Variants in IGF2BP1 observed in about 807,000 individuals in gnomAD.
The protein encoded by IGF2BP1 is insulin like growth factor 2 mRNA binding protein 1, also known as insulin-like growth factor 2 mRNA-binding protein 1.
IGF2BP1 carries 11 observed loss-of-function variants against 74.9 expected under a neutral mutation model. That is an observed-to-expected ratio of 0.15 (90% CI 0.09 to 0.24). The LOEUF (loss-of-function observed/expected upper bound fraction) is 0.24. Among genes scored for constraint, IGF2BP1 ranks in the 10% least tolerant of loss-of-function variants. The pLI is 1.00. For missense variants in IGF2BP1, 440 were observed against 757.4 expected (o/e 0.58, Z 4.92); for synonymous variants, 287 against 281.8 (o/e 1.02, Z -0.18).
chr17:49,034,743 AACAC>A lies in IGF2BP1; in HGVS notation c.401+2772_401+2775del, dbSNP rs1465791616. 4.6e-3 allele frequency among the ~76,000 whole-genome samples: 595 copies of A among 129,508 alleles called. 2 individuals are homozygous for A. Among genetic ancestry groups the A allele is most frequent in the Middle Eastern group, 0.03 (8 of 264 alleles). 85.0% of individuals were successfully genotyped at this position (129,508 alleles called of 152,430 possible). A position where few individuals can be genotyped will look rare whatever the true frequency, so the allele number is the denominator to read the frequency against. ...CAGAGTAAGACCCTGTCTCAAAAAA[AACAC>A]AAAAAAAACAAAAAAAACAAAAAAA... On this transcript the variant is annotated intron_variant, in intron 5 of 14. Transcript: ENST00000290341.
At chr17:49,042,758 C>G (rs1043981634) in intron 9 of IGF2BP1, among the ~76,000 whole-genome samples, 2 of 152,010 alleles carry the variant, frequency 1.3e-5, no homozygotes, top group East Asian at 1.9e-4. Context: ...CTTACTGCAG[C>G]CTTGACCCCC....
chr17:49,020,319 G>A (rs2041776804), intron 2 of IGF2BP1, among the ~76,000 whole-genome samples: 1 of 152,094 alleles, frequency 6.6e-6, no homozygotes, highest in Non-Finnish European at 1.5e-5. Context: ...TGGGATTACA[G>A]GCGTGAGCCA....
intron 2 of IGF2BP1, among the ~76,000 whole-genome samples, chr17:49,016,776 C>T (rs1208067471): frequency 6.7e-6 from 1 of 149,174 alleles, no homozygotes; most frequent in Non-Finnish European, 1.5e-5. Flanking sequence ...GCCTGCCACT[C>T]GACAGCCCGC....
At chr17:49,008,582 CTCTTGCTGGCCA>C (rs1327818551) in intron 2 of IGF2BP1, among the ~76,000 whole-genome samples, 2 of 152,162 alleles carry the variant, frequency 1.3e-5, no homozygotes, top group African/African-American at 2.4e-5. Flanking sequence ...TACCCTTTCC[CTCTTGCTGGCCA>C]TCTTGAATGA....
chr17:49,022,522 G>A (rs961637494), intron 2 of IGF2BP1, among the ~76,000 whole-genome samples: 9 of 152,230 alleles, frequency 5.9e-5, no homozygotes, highest in African/African-American at 2.2e-4. Flanking sequence ...GTACCCTGGA[G>A]GGCTGGGTGA....
chr17:49,023,678 T>G (rs1200476594), intron 2 of IGF2BP1, among the ~76,000 whole-genome samples: 1 of 152,166 alleles, frequency 6.6e-6, no homozygotes, highest in Non-Finnish European at 1.5e-5. Flanking sequence ...CAGGGGCAGG[T>G]TAAGGGCTAG....
At chr17:49,027,961 C>T (rs936751351) in intron 4 of IGF2BP1, among the ~76,000 whole-genome samples, 11 of 150,770 alleles carry the variant, frequency 7.3e-5, no homozygotes, top group Non-Finnish European at 1.0e-4. Flanking sequence ...TCTTGAGCCA[C>T]GAGAGTTTTG....
rs1411557711 is a variant in IGF2BP1 at position 49,045,027 on chromosome 17, A to G, written c.1357A>G (p.Met453Val). 5.0e-6 allele frequency: 8 copies of G among 1,614,146 alleles called. No homozygotes were observed. Among genetic ancestry groups the G allele is most frequent in the Non-Finnish European group, 6.8e-6 (8 of 1,180,008 alleles). The change falls in exon 12 of 15, where the codon ATG (methionine) becomes GTG (valine). Residue 453 changes from methionine to valine, a missense_variant. Physicochemically the swap from Met to Val is conservative, Grantham distance 21. Transcript: ENST00000290341. ...PPETPDSKVR[M>V]VIITGPPEAQ... ...CGAAACACCTGACTCCAAAGTTCGT[A>G]TGGTTATCATCACTGGACCGCCAGA...
rs2041428885 is a variant in IGF2BP1, at chr17:48,997,982, A to C, written c.175+62A>C. On this transcript the variant is annotated intron_variant, in intron 1 of 14. Transcript: ENST00000290341. This position sits in a 1 kb window ranked among gnomAD's most constrained non-coding sequence, Gnocchi z 4.8. ...AGAGCCCCGAACAACGGAGACCCGC[A>C]CCTTCCGGTTCCTCTCCCGCCAACT... The C allele has an allele frequency of 1.3e-6, 2 of 1,554,534 alleles. No homozygotes were observed.
At position 49,050,226 on chromosome 17, in the gene IGF2BP1, C is replaced by G. The variant is rs565194279; in HGVS notation, c.*782C>G. The G allele has an allele frequency of 6.6e-6, 1 of 152,642 alleles. No homozygotes were observed. The highest frequency in any genetic ancestry group is 6.5e-5 in the Admixed American group (1 of 15,268). The allele number at this position is 152,642 out of a possible 1,614,324, so 9.5% of individuals were successfully genotyped here. ...GGGGCTTCCCCACCACATTCATGTC[C>G]CTCTCCCGTGTAGGTTTCACATTAT... On this transcript the variant is annotated 3_prime_UTR_variant, in exon 15 of 15. Coordinates refer to ENST00000290341, the MANE Select transcript of IGF2BP1 (RefSeq NM_006546.4).
Position 48,999,123 on chromosome 17 carries a change from C to G in IGF2BP1, c.190C>G (p.Gln64Glu). 1 of 1,490,104 alleles carries G rather than the reference C, an allele frequency of 6.7e-7. No homozygotes were observed. Among genetic ancestry groups the G allele is most frequent in the Non-Finnish European group, 9.1e-7 (1 of 1,104,616 alleles). The allele number at this position is 1,490,104 out of a possible 1,614,324, so 92.3% of individuals were successfully genotyped here. A position where few individuals can be genotyped will look rare whatever the true frequency, so the allele number is the denominator to read the frequency against. The change falls in exon 2 of 15, where the codon CAA becomes GAA. Residue 64 changes from glutamine (Q) to glutamate (E), a missense_variant. Coordinates refer to ENST00000290341, the MANE Select transcript of IGF2BP1 (RefSeq NM_006546.4). ...IETFSGKVEL[Q>E]GKRLEIEHSV... ...TTAATCTTTAGGGAAAGTAGAATTA[C>G]AAGGAAAACGCTTAGAGATTGAACA...
intron 14 of IGF2BP1, among the ~76,000 whole-genome samples, chr17:49,047,250 A>C (rs1490166540): frequency 1.3e-5 from 2 of 152,100 alleles, no homozygotes; most frequent in African/African-American, 4.8e-5. Flanking sequence ...CCTTTCTGCT[A>C]TGTGACCTTG....
intron 2 of IGF2BP1, among the ~76,000 whole-genome samples, chr17:49,009,171 G>T (rs572904138): frequency 2.0e-5 from 3 of 152,040 alleles, no homozygotes; most frequent in African/African-American, 7.2e-5. Flanking sequence ...TGGGACTATA[G>T]GTGTGCGCCA....
chr17:49,020,454 G>T (rs2041778530), intron 2 of IGF2BP1, among the ~76,000 whole-genome samples: 1 of 152,130 alleles, frequency 6.6e-6, no homozygotes, highest in Admixed American at 6.5e-5. Flanking sequence ...ACAGACCAGG[G>T]TACTGAGATA....
rs1567832835 is a variant in IGF2BP1 at position 49,053,563 on chromosome 17, G to T, written c.*4119G>T. The T allele has an allele frequency of 6.5e-6, 1 of 152,780 alleles. No individual in the cohort carries two copies. The highest frequency in any genetic ancestry group is 1.5e-5 in the Non-Finnish European group (1 of 68,162). 9.5% of individuals were successfully genotyped at this position (152,780 alleles called of 1,614,324 possible). On this transcript the variant is annotated 3_prime_UTR_variant, in exon 15 of 15. Coordinates refer to ENST00000290341, the MANE Select transcript of IGF2BP1 (RefSeq NM_006546.4). Reference sequence around the variant, plus strand: ...CTGTTGTGGGACTGCTCTGTCCCCTGCCCCTACTGCAGAGATAGCACTGCC... The same window carrying T: ...CTGTTGTGGGACTGCTCTGTCCCCTTCCCCTACTGCAGAGATAGCACTGCC...
Position 49,047,546 on chromosome 17 carries a change from C to G in IGF2BP1, c.1641+1173C>G, listed in dbSNP as rs568853125. 6.6e-5 allele frequency among the ~76,000 whole-genome samples: 10 copies of G among 151,432 alleles called. No individual in the cohort carries two copies. In the South Asian group the frequency reaches 2.1e-3, roughly 32 times the overall value. On this transcript the variant is annotated intron_variant, in intron 14 of 14. Transcript: ENST00000290341. The stretch of plus-strand genomic sequence containing the variant: ...TTTTTTTAAAGAGAGTAAAGGATAC[C>G]TCCAAAGATGCATAAAGCCAGGATA...
Position 49,038,321 on chromosome 17 carries a change from G to C in IGF2BP1, c.555G>C (p.Ala185=). ...GQPRQGSPVA[A]GAPAKQQQVD... ...CCCGCCAGGGCTCACCTGTGGCAGC[G>C]GGGGCCCCAGCCAAGCAGCAGCAAG... The change falls in exon 6 of 15, where the codon GCG becomes GCC. Residue 185 remains alanine (A), a synonymous_variant. Coordinates refer to ENST00000290341, the MANE Select transcript of IGF2BP1 (RefSeq NM_006546.4). 6.2e-7 allele frequency: 1 copy of C among 1,604,878 alleles called. No individual in the cohort carries two copies. The highest frequency in any genetic ancestry group is 8.5e-7 in the Non-Finnish European group (1 of 1,175,856).
chr17:49,016,777 G>A (rs998734689), intron 2 of IGF2BP1, among the ~76,000 whole-genome samples: 2 of 148,048 alleles, frequency 1.4e-5, no homozygotes, highest in Admixed American at 6.7e-5. Flanking sequence ...CCTGCCACTC[G>A]ACAGCCCGCC....
intron 2 of IGF2BP1, chr17:49,004,649 A>C (rs1204363269): frequency 6.6e-6 from 1 of 152,202 alleles, no homozygotes. Context: ...TAGTAGTCAG[A>C]GGTTCTATCC....
Sources: allele counts gnomAD v4.1 joint callset (sites outside exome capture counted in the v4.1 genomes callset), GRCh38; gene constraint gnomAD v4.1.1; non-coding constraint Gnocchi (gnomAD v3.1); transcripts MANE v1.5; gene names NCBI Gene and HGNC (gene_info 2026-07-23, HGNC 2026-07-21).